EVI5: variants seen among roughly 807,000 people sequenced by gnomAD.
EVI5 encodes the protein ecotropic viral integration site 5.
EVI5 carries 73 observed loss-of-function variants against 112.0 expected under a neutral mutation model. The ratio of observed to expected loss-of-function variants is 0.65; its 90% CI spans 0.54 to 0.79. The LOEUF (loss-of-function observed/expected upper bound fraction) is 0.79, where lower values mean the gene tolerates loss of function less well. Ranked by LOEUF, EVI5 falls within the 30% of genes least tolerant of loss-of-function variation. EVI5 has a pLI of 0.00. For missense variants in EVI5, 900 were observed against 968.8 expected, an observed-to-expected ratio of 0.93 and a Z score of 0.94; for synonymous variants, 305 against 319.9, an observed-to-expected ratio of 0.95 and a Z score of 0.50.
rs2102178701 is a variant in EVI5 at position 92,662,774 on chromosome 1, GCACTGGCCTCAT to G, written c.1325_1336del (p.Asp442_Ser445del). 1 of 1,289,364 alleles carries G rather than the reference GCACTGGCCTCAT, an allele frequency of 7.8e-7. No homozygotes were observed. The highest frequency in any genetic ancestry group is 1.0e-6 in the Non-Finnish European group (1 of 988,702). The allele number at this position is 1,289,364 out of a possible 1,614,324, so 79.9% of individuals were successfully genotyped here. On this transcript the variant is annotated inframe_deletion, in exon 13 of 20. Transcript: ENST00000684568. Reference sequence around the variant, plus strand: ...GGTATTTTCAGCTTGCTCCAGCTTAGCACTGGCCTCATCACTCTGCTGTTTGATGGTGGCCAA... The same window carrying G: ...GGTATTTTCAGCTTGCTCCAGCTTAGCACTCTGCTGTTTGATGGTGGCCAA...
At chr1:92,643,731 T>G (rs1557981747) in intron 13 of EVI5, among the ~76,000 whole-genome samples, 1 of 152,154 alleles carries the variant, frequency 6.6e-6, no homozygotes, top group Non-Finnish European at 1.5e-5. Context: ...AAAATAAACT[T>G]TACCTTTTAA....
intron 11 of EVI5, among the ~76,000 whole-genome samples, chr1:92,665,480 G>A (rs1386010408): frequency 6.6e-6 from 1 of 152,132 alleles, no homozygotes; most frequent in Non-Finnish European, 1.5e-5. Context: ...ATTCCTTTGT[G>A]CTGAAAATCA....
intron 1 of EVI5, among the ~76,000 whole-genome samples, chr1:92,767,948 CA>C (rs1682879731): frequency 6.6e-6 from 1 of 151,998 alleles, no homozygotes; most frequent in Admixed American, 6.6e-5. Flanking sequence ...GGCATGGTGG[CA>C]AACGCCTATA....
intron 1 of EVI5, among the ~76,000 whole-genome samples, chr1:92,768,453 A>T (rs1682960843): frequency 6.6e-6 from 1 of 152,224 alleles, no homozygotes. Flanking sequence ...GCAAGTAGGT[A>T]TTCTGTCTAA....
At chr1:92,785,143 G>T (rs570847530), upstream of EVI5, 1 of 983,034 alleles carries the variant, frequency 1.0e-6, no homozygotes, top group African/African-American at 1.7e-5. Flanking sequence ...AAAGAGACCC[G>T]GCAGCCTCTA....
chr1:92,718,419 G>A lies in EVI5; in HGVS notation c.150-13675C>T, dbSNP rs570922076. On this transcript the variant is annotated intron_variant, in intron 2 of 19. Coordinates refer to ENST00000684568, the MANE Select transcript of EVI5 (RefSeq NM_001350197.2). ...CAAAACGCACAATTATATGGAAACT[G>A]AACAACCTGCTCCTGAATGACGACT... Among the ~76,000 whole-genome samples the A allele has an allele frequency of 9.2e-5, 14 of 152,250 alleles. 1 individual carries two copies. The South Asian group carries it at 2.9e-3, about 32-fold the overall frequency.
chr1:92,663,843 A>G (rs1426564183), intron 11 of EVI5, among the ~76,000 whole-genome samples: 1 of 152,186 alleles, frequency 6.6e-6, no homozygotes, highest in Non-Finnish European at 1.5e-5. Context: ...TCCTCGGCTC[A>G]AGGAGTTGGT....
At position 92,736,477 on chromosome 1, in the gene EVI5, G is replaced by T. The variant is rs199788595; in HGVS notation, c.70C>A (p.Pro24Thr). The change falls in exon 2 of 20, where the codon CCA (proline) becomes ACA (threonine). Residue 24 changes from proline to threonine, a missense_variant. Pro to Thr is a conservative substitution (Grantham distance 38, BLOSUM62 -1). Coordinates refer to ENST00000684568, the MANE Select transcript of EVI5 (RefSeq NM_001350197.2). Reference sequence around the variant, plus strand: ...GATGGGGAAGATGGTGAAAGGGCTGGTGTTGATAGTGTGGTAGATGAGGAT... The same window carrying T: ...GATGGGGAAGATGGTGAAAGGGCTGTTGTTGATAGTGTGGTAGATGAGGAT... ...TTSSSTTLST[P>T]ALSPSSPSQL... The T allele has an allele frequency of 5.6e-6, 9 of 1,613,978 alleles. No individual in the cohort carries two copies. Among genetic ancestry groups the T allele is most frequent in the Non-Finnish European group, 7.6e-6 (9 of 1,179,908 alleles).
intron 19 of EVI5, among the ~76,000 whole-genome samples, chr1:92,533,460 C>T (rs1663263493): frequency 6.6e-6 from 1 of 152,120 alleles, no homozygotes; most frequent in African/African-American, 2.4e-5. Context: ...GATAACAAAA[C>T]TTGGCAGAGA....
intron 19 of EVI5, among the ~76,000 whole-genome samples, chr1:92,539,726 C>T (rs958098598): frequency 6.6e-6 from 1 of 152,118 alleles, no homozygotes; most frequent in Non-Finnish European, 1.5e-5. Flanking sequence ...GCCTTCCATA[C>T]AATTTACCCA....
chr1:92,595,362 CAAT>C (rs1647461283), intron 18 of EVI5, among the ~76,000 whole-genome samples: 1 of 151,272 alleles, frequency 6.6e-6, no homozygotes, highest in Non-Finnish European at 1.5e-5. Flanking sequence ...GGGAATTGAA[CAAT>C]GAGAACACAC....
chr1:92,697,093 C>A (rs1003500093), intron 6 of EVI5, among the ~76,000 whole-genome samples: 2 of 151,952 alleles, frequency 1.3e-5, no homozygotes. Context: ...TTTTACATAT[C>A]CCCTTGCTCC....
At chr1:92,676,235 A>G (rs1484593771) in intron 10 of EVI5, among the ~76,000 whole-genome samples, 1 of 152,122 alleles carries the variant, frequency 6.6e-6, no homozygotes, top group Non-Finnish European at 1.5e-5. Context: ...CCAAGGCAGG[A>G]AAGAGTATTA....
In EVI5 at chr1:92,677,142, G is replaced by A; in HGVS notation, c.1158+16C>T. On this transcript the variant is annotated intron_variant, in intron 10 of 19. Transcript: ENST00000684568. ...TTTCAATCAATCAGTACTTTAAAAA[G>A]CCCCCAACTGCTTACTTTAATTTCA... The A allele has an allele frequency of 1.3e-6, 2 of 1,529,108 alleles. No homozygotes were observed. Among genetic ancestry groups the A allele is most frequent in the Non-Finnish European group, 9.0e-7 (1 of 1,112,574 alleles). 94.7% of individuals were successfully genotyped at this position (1,529,108 alleles called of 1,614,324 possible).
chr1:92,581,255 T>G (rs1484239939), intron 18 of EVI5, among the ~76,000 whole-genome samples: 1 of 152,222 alleles, frequency 6.6e-6, no homozygotes, highest in Non-Finnish European at 1.5e-5. Context: ...AAACAAGGGC[T>G]CTTCTTACTC....
upstream of EVI5, among the ~76,000 whole-genome samples, chr1:92,789,770 T>C (rs1200359418): frequency 6.6e-6 from 1 of 152,180 alleles, no homozygotes; most frequent in Non-Finnish European, 1.5e-5. Context: ...CAAAGGTGTT[T>C]AAGTCAGTCA....
intron 9 of EVI5, among the ~76,000 whole-genome samples, chr1:92,681,514 C>A (rs1667582904): frequency 6.6e-6 from 1 of 152,180 alleles, no homozygotes; most frequent in African/African-American, 2.4e-5. Flanking sequence ...TTACAACTGT[C>A]ATGTAGTAAG....
At chr1:92,703,196 C>T (rs1490536618) in intron 4 of EVI5, among the ~76,000 whole-genome samples, 199 bp downstream of exon 4, 2 of 151,816 alleles carry the variant, frequency 1.3e-5, no homozygotes, top group Non-Finnish European at 2.9e-5. Flanking sequence ...TGCTAAATAA[C>T]GTAGTAAATG....
intron 13 of EVI5, among the ~76,000 whole-genome samples, chr1:92,639,497 A>C (rs944856311): frequency 6.6e-6 from 1 of 152,152 alleles, no homozygotes; most frequent in East Asian, 1.9e-4. Flanking sequence ...GTGAAAAAAA[A>C]TTGAAATTAG....
Sources: allele counts gnomAD v4.1 joint callset (sites outside exome capture counted in the v4.1 genomes callset), GRCh38; gene constraint gnomAD v4.1.1; transcripts MANE v1.5; gene names NCBI Gene and HGNC (gene_info 2026-07-23, HGNC 2026-07-21).